KIRREL3: variants seen among roughly 807,000 people sequenced by gnomAD.
KIRREL3 encodes kirre like nephrin family adhesion molecule 3.
A neutral mutation model predicts 89.7 loss-of-function variants in KIRREL3; 36 were observed. The ratio of observed to expected loss-of-function variants is 0.40; its 90% CI spans 0.31 to 0.53. The LOEUF is 0.53. Ranked by LOEUF, KIRREL3 falls within the 20% of genes least tolerant of loss-of-function variation. The pLI is 0.49. For missense variants in KIRREL3, 864 were observed against 1,056.6 expected, an observed-to-expected ratio of 0.82 and a Z score of 2.53; for synonymous variants, 445 against 441.4, an observed-to-expected ratio of 1.01 and a Z score of -0.10.
At chr11:126,880,154 G>A (rs1213898289) in intron 1 of KIRREL3, among the ~76,000 whole-genome samples, 1 of 152,102 alleles carries the variant, frequency 6.6e-6, no homozygotes, top group African/African-American at 2.4e-5. Flanking sequence ...TTTGACCTTG[G>A]GTGCGGCTGT....
At position 126,703,429 on chromosome 11, in the gene KIRREL3, T is replaced by C. The variant is rs1036099024; in HGVS notation, c.56-140517A>G. On this transcript the variant is annotated intron_variant, in intron 1 of 16. Transcript: ENST00000525144. This position sits in a 1 kb window ranked among gnomAD's most constrained non-coding sequence, Gnocchi z 4.6. ...TTTACCAATGATTGATCAGCTGTTATGTGCCAGGCTCTGTGCTAAGTGCTT... is the reference window on the plus strand; with the variant it reads ...TTTACCAATGATTGATCAGCTGTTACGTGCCAGGCTCTGTGCTAAGTGCTT... Among the ~76,000 whole-genome samples, 5 of 152,250 alleles carry C rather than the reference T, an allele frequency of 3.3e-5. No homozygotes were observed. The highest frequency in any genetic ancestry group is 1.2e-4 in the African/African-American group (5 of 41,466).
At position 126,891,041 on chromosome 11, in the gene KIRREL3, C is replaced by A. The variant is rs940878507; in HGVS notation, c.55+109414G>T. On this transcript the variant is annotated intron_variant, in intron 1 of 16. Coordinates refer to ENST00000525144, the MANE Select transcript of KIRREL3 (RefSeq NM_032531.4). The surrounding 1 kb of genome is among the most constrained non-coding windows in gnomAD (Gnocchi z 5.1). ...CTTAGTAATTTTCAAAGGCCCATCACCCTCTTTGAGTTTGCCCTTAGATCT... is the reference window on the plus strand; with the variant it reads ...CTTAGTAATTTTCAAAGGCCCATCAACCTCTTTGAGTTTGCCCTTAGATCT... 1.3e-5 allele frequency among the ~76,000 whole-genome samples: 2 copies of A among 152,174 alleles called. No individual in the cohort carries two copies. Among genetic ancestry groups the A allele is most frequent in the Non-Finnish European group, 1.5e-5 (1 of 68,038 alleles).
In KIRREL3 at chr11:126,623,442, T is replaced by C. The variant is rs888412418; in HGVS notation, c.56-60530A>G. Among the ~76,000 whole-genome samples the C allele has an allele frequency of 1.3e-5, 2 of 152,158 alleles. No homozygotes were observed. The highest frequency in any genetic ancestry group is 2.4e-5 in the African/African-American group (1 of 41,440). On this transcript the variant is annotated intron_variant, in intron 1 of 16. Transcript: ENST00000525144. The surrounding 1 kb of genome is among the most constrained non-coding windows in gnomAD (Gnocchi z 4.1). ...GCTCCTTCACTGTAAGTCCAAGTTCTTTGAAGGAAGGAACTATGTTGGTAT... is the reference window on the plus strand; with the variant it reads ...GCTCCTTCACTGTAAGTCCAAGTTCCTTGAAGGAAGGAACTATGTTGGTAT...
Position 126,520,743 on chromosome 11 carries a change from G to A in KIRREL3, c.433+572C>T, listed in dbSNP as rs1234480756. On this transcript the variant is annotated intron_variant, in intron 4 of 16. Transcript: ENST00000525144. This position sits in a 1 kb window ranked among gnomAD's most constrained non-coding sequence, Gnocchi z 4.9. ...AAGATCAAGGGGAAAAGTATGATTT[G>A]GAATAAGGACCTGAAATGAATTTTC... Among the ~76,000 whole-genome samples, 2 of 152,106 alleles carry A rather than the reference G, an allele frequency of 1.3e-5. No homozygotes were observed. Among genetic ancestry groups the A allele is most frequent in the Non-Finnish European group, 2.9e-5 (2 of 68,002 alleles).
intron 1 of KIRREL3, among the ~76,000 whole-genome samples, chr11:126,864,121 A>T (rs1304541137): frequency 6.6e-6 from 1 of 152,258 alleles, no homozygotes; most frequent in African/African-American, 2.4e-5. Context: ...ATTACAAAGT[A>T]TAGAGCAGGA....
chr11:126,786,770 T>G (rs1443454769), intron 1 of KIRREL3, among the ~76,000 whole-genome samples: 1 of 152,146 alleles, frequency 6.6e-6, no homozygotes, highest in Non-Finnish European at 1.5e-5. Context: ...CCATGAAGCA[T>G]GAGCTGGCCT....
intron 2 of KIRREL3, among the ~76,000 whole-genome samples, chr11:126,546,047 T>C (rs2134511174): frequency 6.6e-6 from 1 of 152,334 alleles, no homozygotes; most frequent in African/African-American, 2.4e-5. Context: ...ATTCTGGTGA[T>C]GATTAAATGA....
intron 1 of KIRREL3, among the ~76,000 whole-genome samples, chr11:126,980,889 C>T (rs1319355525): frequency 1.3e-5 from 2 of 152,164 alleles, no homozygotes; most frequent in Non-Finnish European, 2.9e-5. Context: ...CATTGTTACT[C>T]TCAGAATTAG....
At chr11:126,473,691 C>A (rs1279722286) in intron 4 of KIRREL3, among the ~76,000 whole-genome samples, 1 of 152,272 alleles carries the variant, frequency 6.6e-6, no homozygotes, top group Admixed American at 6.5e-5. Flanking sequence ...CATCGCATCC[C>A]TGCTCAGGAC....
At chr11:126,971,208 A>G (rs1361348612) in intron 1 of KIRREL3, among the ~76,000 whole-genome samples, 3 of 152,146 alleles carry the variant, frequency 2.0e-5, no homozygotes, top group Non-Finnish European at 4.4e-5. Context: ...TGAAAAGGGT[A>G]ATGTTTGGGA....
Position 126,642,787 on chromosome 11 carries a change from C to A in KIRREL3, c.56-79875G>T, listed in dbSNP as rs576979227. Among the ~76,000 whole-genome samples the A allele has an allele frequency of 5.9e-5, 9 of 152,242 alleles. No individual in the cohort carries two copies. The East Asian group carries it at 1.7e-3, about 29-fold the overall frequency. ...ATGGATGAAAGAATGTCTTTATGTC[C>A]CTTCAAGGGTTATGATTTTGTATGT... is the stretch of plus-strand genomic sequence containing the variant. On this transcript the variant is annotated intron_variant, in intron 1 of 16. Coordinates refer to ENST00000525144, the MANE Select transcript of KIRREL3 (RefSeq NM_032531.4). The surrounding 1 kb of genome is among the most constrained non-coding windows in gnomAD (Gnocchi z 4.9).
rs545275764 is a variant in KIRREL3 at position 126,817,606 on chromosome 11, C to T, written c.55+182849G>A. On this transcript the variant is annotated intron_variant, in intron 1 of 16. Coordinates refer to ENST00000525144, the MANE Select transcript of KIRREL3 (RefSeq NM_032531.4). This position sits in a 1 kb window ranked among gnomAD's most constrained non-coding sequence, Gnocchi z 5.7. ...GGGGATGCCTTGCTTTCTCATCCTT[C>T]CAGCCTATGTGGCTGCAAAATGACA... Among the ~76,000 whole-genome samples, 24 of 152,338 alleles carry T rather than the reference C, an allele frequency of 1.6e-4. No homozygotes were observed. The highest frequency in any genetic ancestry group is 3.4e-3 in the Middle Eastern group (1 of 294).
At chr11:126,648,656 A>G (rs1275410775) in intron 1 of KIRREL3, among the ~76,000 whole-genome samples, 5 of 152,206 alleles carry the variant, frequency 3.3e-5, no homozygotes, top group Admixed American at 6.5e-5. Context: ...ATCAATGCCT[A>G]GTGCACAGAT....
chr11:126,737,394 C>G (rs1948838473), intron 1 of KIRREL3, among the ~76,000 whole-genome samples: 1 of 152,096 alleles, frequency 6.6e-6, no homozygotes, highest in Non-Finnish European at 1.5e-5. Flanking sequence ...AACTGTCCCC[C>G]CTCCTCTGTC....
chr11:126,463,524 G>C lies in KIRREL3; in HGVS notation c.592-217C>G, dbSNP rs959493288. 6.6e-6 allele frequency among the ~76,000 whole-genome samples: 1 copy of C among 152,228 alleles called. No individual in the cohort carries two copies. The highest frequency in any genetic ancestry group is 1.5e-5 in the Non-Finnish European group (1 of 68,042). ...AAGTGCTGGGCTGTGGAAGGAAAAA[G>C]GAACTAGACAGTTTTCCACCATGTG... On this transcript the variant is annotated intron_variant, in intron 5 of 16. Transcript: ENST00000525144. This position sits in a 1 kb window ranked among gnomAD's most constrained non-coding sequence, Gnocchi z 5.9.
chr11:126,524,293 T>G (rs1958681889), intron 3 of KIRREL3, among the ~76,000 whole-genome samples: 1 of 152,238 alleles, frequency 6.6e-6, no homozygotes, highest in Non-Finnish European at 1.5e-5. Flanking sequence ...AAGTAGTCTA[T>G]AAATGCCAAT....
At position 126,466,941 on chromosome 11, in the gene KIRREL3, C is replaced by A. The variant is rs543365836; in HGVS notation, c.592-3634G>T. ...CTCCCTCCAGTGTGGTGAGCACTAA[C>A]GTGCTGCCAGCCCCCGGCTCGCCCA... is the stretch of plus-strand genomic sequence containing the variant. On this transcript the variant is annotated intron_variant, in intron 5 of 16. Coordinates refer to ENST00000525144, the MANE Select transcript of KIRREL3 (RefSeq NM_032531.4). Among the ~76,000 whole-genome samples the A allele has an allele frequency of 3.3e-5, 5 of 152,336 alleles. No homozygotes were observed. The East Asian group carries it at 9.7e-4, about 29-fold the overall frequency.
intron 1 of KIRREL3, among the ~76,000 whole-genome samples, chr11:126,813,990 G>A (rs1951478177): frequency 6.6e-6 from 1 of 152,008 alleles, no homozygotes; most frequent in South Asian, 2.1e-4. Flanking sequence ...TGCAGAATGG[G>A]AGAAAATTTT....
Position 126,535,574 on chromosome 11 carries a change from GGTGTGT to G in KIRREL3, c.134-8893_134-8888del, listed in dbSNP as rs60765008. On this transcript the variant is annotated intron_variant, in intron 2 of 16. Transcript: ENST00000525144. The surrounding 1 kb of genome is among the most constrained non-coding windows in gnomAD (Gnocchi z 4.5). Reference sequence around the variant, plus strand: ...GGCAGCACTGCAGGGTGCTGGGTCGGGTGTGTGTGTGTGTGTGTGCACGTGGGTGTG... The same window carrying G: ...GGCAGCACTGCAGGGTGCTGGGTCGGGTGTGTGTGTGTGCACGTGGGTGTG... Among the ~76,000 whole-genome samples the G allele has an allele frequency of 6.6e-6, 1 of 150,756 alleles. No individual in the cohort carries two copies. The highest frequency in any genetic ancestry group is 2.1e-4 in the South Asian group (1 of 4,782).
Sources: gnomAD v4.1 joint callset for allele counts (sites outside exome capture counted in the v4.1 genomes callset) on GRCh38, gnomAD v4.1.1 for gene constraint, Gnocchi (gnomAD v3.1) non-coding constraint, MANE v1.5 for transcripts, NCBI Gene and HGNC (gene_info 2026-07-23, HGNC 2026-07-21) for gene names.